HLCS: variants seen among roughly 807,000 people sequenced by gnomAD.
HLCS encodes holocarboxylase synthetase.
Under a neutral mutation model 75.0 loss-of-function variants are expected in HLCS, and 53 were observed. The ratio of observed to expected loss-of-function variants is 0.71; its 90% CI spans 0.57 to 0.89. The LOEUF (loss-of-function observed/expected upper bound fraction) is 0.89. Ranked by LOEUF, HLCS falls within the 40% of genes least tolerant of loss-of-function variation. The pLI is 0.00. For synonymous variants in HLCS, 431 were observed against 428.6 expected, an observed-to-expected ratio of 1.01 and a Z score of -0.07; for missense variants, 966 against 1,074.0, an observed-to-expected ratio of 0.90 and a Z score of 1.41.
At chr21:36,865,611 G>A (rs1291239184) in intron 6 of HLCS, among the ~76,000 whole-genome samples, 2 of 152,108 alleles carry the variant, frequency 1.3e-5, no homozygotes, top group Non-Finnish European at 1.5e-5. Context: ...GTACCGTTTT[G>A]TTATTGTTAT....
In HLCS at chr21:36,809,569, CT is replaced by C. The variant is rs1302875569; in HGVS notation, c.1893-42285del. ...CTCTTTTTCCTCTGTCATTTTCCCCCTCTCTGCCTTCAGCTGTTAAGTCCAC... is the reference window on the plus strand; with the variant it reads ...CTCTTTTTCCTCTGTCATTTTCCCCCCTCTGCCTTCAGCTGTTAAGTCCAC... On this transcript the variant is annotated intron_variant, in intron 6 of 10. Transcript: ENST00000674895. Among the ~76,000 whole-genome samples, 9 of 152,224 alleles carry C rather than the reference CT, an allele frequency of 5.9e-5. No individual in the cohort carries two copies. In the East Asian group the frequency reaches 1.7e-3, roughly 29 times the overall value.
rs539960662 is a variant in HLCS at position 36,941,275 on chromosome 21, T to C, written c.331-2281A>G. Among the ~76,000 whole-genome samples the C allele has an allele frequency of 6.8e-4, 104 of 152,338 alleles. 1 individual carries two copies. The South Asian group carries it at 0.013, about 20-fold the overall frequency. ...TGTCTCTGTCTCTCACCTGCCACCATGTAAGACATACCTTGCTTCCCCCTT... is the reference window on the plus strand; with the variant it reads ...TGTCTCTGTCTCTCACCTGCCACCACGTAAGACATACCTTGCTTCCCCCTT... On this transcript the variant is annotated intron_variant, in intron 2 of 10. Transcript: ENST00000674895.
intron 1 of HLCS, among the ~76,000 whole-genome samples, chr21:36,965,936 T>TTTGTC (rs1569260882): frequency 6.6e-6 from 1 of 151,560 alleles, no homozygotes; most frequent in Non-Finnish European, 1.5e-5. Context: ...TTTGTTTTGT[T>TTTGTC]TTTTGTAGAG....
At chr21:36,823,420 G>C (rs962121520) in intron 6 of HLCS, among the ~76,000 whole-genome samples, 1 of 152,100 alleles carries the variant, frequency 6.6e-6, no homozygotes, top group African/African-American at 2.4e-5. Flanking sequence ...CAAATAATAC[G>C]AATCTCTCTT....
At position 36,799,031 on chromosome 21, in the gene HLCS, A is replaced by G. The variant is rs569035637; in HGVS notation, c.1893-31746T>C. Among the ~76,000 whole-genome samples the G allele has an allele frequency of 5.9e-5, 9 of 152,230 alleles. No homozygotes were observed. In the South Asian group the frequency reaches 1.9e-3, roughly 32 times the overall value. ...TAAAAAAAAGAAGTTTTTTTAGATC[A>G]AAGTCCATTTTAATCATTTTTTCTT... On this transcript the variant is annotated intron_variant, in intron 6 of 10. Coordinates refer to ENST00000674895, the MANE Select transcript of HLCS (RefSeq NM_001352514.2).
chr21:36,933,825 C>T lies in HLCS; in HGVS notation c.1437+2624G>A, dbSNP rs1352871727. Among the ~76,000 whole-genome samples, 2 of 152,306 alleles carry T rather than the reference C, an allele frequency of 1.3e-5. 1 individual carries two copies. Among genetic ancestry groups the T allele is most frequent in the Middle Eastern group, 6.8e-3 (2 of 294 alleles). ...GTGGACTCACTGGTCAGGGTGAATA[C>T]ACAGAGTAGCCAAGATGCACACGCA... On this transcript the variant is annotated intron_variant, in intron 4 of 10. Transcript: ENST00000674895.
At chr21:36,983,274 G>A (rs898641436) in intron 1 of HLCS, among the ~76,000 whole-genome samples, 6 of 151,458 alleles carry the variant, frequency 4.0e-5, no homozygotes, top group East Asian at 4.0e-4. Flanking sequence ...GCAGAAGCAC[G>A]ATCTTGGCTC....
chr21:36,956,599 G>A (rs1365600857), intron 2 of HLCS, among the ~76,000 whole-genome samples: 4 of 151,948 alleles, frequency 2.6e-5, no homozygotes, highest in East Asian at 1.9e-4. Context: ...GTGTGGTGGT[G>A]GGCGCCTGTA....
chr21:36,921,742 C>G (rs1437942865), intron 5 of HLCS, among the ~76,000 whole-genome samples: 2 of 152,166 alleles, frequency 1.3e-5, no homozygotes, highest in East Asian at 3.9e-4. Flanking sequence ...TCACCCAGAG[C>G]CCCTGTCCCC....
chr21:36,827,291 G>A (rs565985962), intron 6 of HLCS, among the ~76,000 whole-genome samples: 3 of 152,248 alleles, frequency 2.0e-5, no homozygotes, highest in South Asian at 2.1e-4. Flanking sequence ...AGCTGAGGCC[G>A]GGCACGGTGG....
rs899125924 is a variant in HLCS, at chr21:36,783,530, T to A, written c.1893-16245A>T. 2.6e-5 allele frequency among the ~76,000 whole-genome samples: 4 copies of A among 152,136 alleles called. No individual in the cohort carries two copies. In the South Asian group the frequency reaches 8.3e-4, roughly 32 times the overall value. On this transcript the variant is annotated intron_variant, in intron 6 of 10. Coordinates refer to ENST00000674895, the MANE Select transcript of HLCS (RefSeq NM_001352514.2). ...CAACAGTCCCACAGATGGAGAGATTTCATTTTCTAGAGCCAGAGGGTGGTA... is the reference window on the plus strand; with the variant it reads ...CAACAGTCCCACAGATGGAGAGATTACATTTTCTAGAGCCAGAGGGTGGTA...
chr21:36,934,963 T>C (rs77085354), intron 4 of HLCS, among the ~76,000 whole-genome samples: 55 of 152,314 alleles, frequency 3.6e-4, no homozygotes, highest in African/African-American at 1.2e-3. Context: ...GCCTTTTTTT[T>C]CTAGGGCAAT....
intron 6 of HLCS, among the ~76,000 whole-genome samples, chr21:36,825,862 G>T (rs2061991024): frequency 6.6e-6 from 1 of 152,210 alleles, no homozygotes; most frequent in African/African-American, 2.4e-5. Flanking sequence ...ATGAAGAGGG[G>T]ACTAGAAGGC....
chr21:36,771,088 C>T (rs1338174182), intron 6 of HLCS, among the ~76,000 whole-genome samples: 10 of 151,886 alleles, frequency 6.6e-5, no homozygotes, highest in Non-Finnish European at 1.5e-5. Context: ...GGCATGGTGG[C>T]GGGTGCCTGT....
In HLCS at chr21:36,765,093, C is replaced by T; in HGVS notation, c.2040G>A (p.Gln680=). The T allele has an allele frequency of 6.2e-7, 1 of 1,614,212 alleles. No individual in the cohort carries two copies. Among genetic ancestry groups the T allele is most frequent in the Non-Finnish European group, 8.5e-7 (1 of 1,180,020 alleles). Residue 680 remains glutamine (Q), a synonymous_variant, in exon 8 of 11, where the codon CAG becomes CAA. Transcript: ENST00000674895. Reference sequence around the variant, plus strand: ...GGACAAACGGGATCCTCTGTCCCAGCTGGGATCTCAGTGGAATGGAGATGA... The same window carrying T: ...GGACAAACGGGATCCTCTGTCCCAGTTGGGATCTCAGTGGAATGGAGATGA... The part of the protein sequence containing the change: ...TLLISIPLRS[Q]LGQRIPFVQH...
In HLCS at chr21:36,768,125, G is replaced by A. The variant is rs373225946; in HGVS notation, c.1893-840C>T. ...CCAGGAATTGCCGATCAGGTGCTGC[G>A]CAGGCGCGGTTCGAGGTAGGATTCA... On this transcript the variant is annotated intron_variant, in intron 6 of 10. Transcript: ENST00000674895. Among the ~76,000 whole-genome samples the A allele has an allele frequency of 7.2e-5, 11 of 152,348 alleles. No homozygotes were observed. The East Asian group carries it at 9.6e-4, about 13-fold the overall frequency.
intron 6 of HLCS, among the ~76,000 whole-genome samples, chr21:36,833,996 C>A (rs2062312492): frequency 6.6e-6 from 1 of 152,208 alleles, no homozygotes; most frequent in Non-Finnish European, 1.5e-5. Context: ...TACGTGGATT[C>A]TTTTCCAACC....
At chr21:36,872,916 G>T (rs192891722) in intron 6 of HLCS, among the ~76,000 whole-genome samples, 1 of 152,038 alleles carries the variant, frequency 6.6e-6, no homozygotes, top group Non-Finnish European at 1.5e-5. Context: ...TTTTCAAAAT[G>T]GTCGTATCAT....
intron 6 of HLCS, among the ~76,000 whole-genome samples, chr21:36,847,766 T>C (rs1429338309): frequency 6.6e-6 from 1 of 152,218 alleles, no homozygotes; most frequent in Non-Finnish European, 1.5e-5. Flanking sequence ...CAGCAATACA[T>C]ATAAGAATTT....
Sources: allele counts gnomAD v4.1 joint callset (sites outside exome capture counted in the v4.1 genomes callset), GRCh38; gene constraint gnomAD v4.1.1; transcripts MANE v1.5; gene names NCBI Gene and HGNC (gene_info 2026-07-23, HGNC 2026-07-21).